The following ACADL variants were observed in gnomAD, a reference collection of about 807,000 sequenced individuals.
The protein encoded by ACADL is acyl-CoA dehydrogenase long chain.
ACADL carries 60 observed loss-of-function variants against 56.9 expected under a neutral mutation model. The observed-to-expected ratio is 1.05, with a 90% CI of 0.86 to 1.31. ACADL has a LOEUF of 1.31. Ranked by LOEUF, ACADL falls within the 50% of genes most tolerant of loss-of-function variation. ACADL has a pLI of 0.00. For synonymous variants in ACADL, 158 were observed against 179.7 expected, an observed-to-expected ratio of 0.88 and a Z score of 0.97; for missense variants, 484 against 525.5, an observed-to-expected ratio of 0.92 and a Z score of 0.77.
At chr2:210,189,136 A>G (rs1373171508) in intron 10 of ACADL, 82 bp from the exon 11 acceptor site, 5 of 935,660 alleles carry the variant, frequency 5.3e-6, no homozygotes, top group Admixed American at 3.5e-5. Context: ...CTCATAAACT[A>G]TTCAATTAGT....
intron 4 of ACADL, among the ~76,000 whole-genome samples, chr2:210,214,501 A>AAGAAAGAAAG (rs1419261943): frequency 8.6e-5 from 13 of 150,730 alleles, no homozygotes; most frequent in African/African-American, 3.0e-4. Context: ...GAAAGAAAGA[A>AAGAAAGAAAG]AGAAAGAAAA....
At chr2:210,196,827 AG>A (rs1688717851) in intron 8 of ACADL, among the ~76,000 whole-genome samples, 1 of 152,182 alleles carries the variant, frequency 6.6e-6, no homozygotes, top group Admixed American at 6.5e-5. Context: ...TTACAGGCAA[AG>A]GTGGTGCAGT....
Position 210,201,105 on chromosome 2 carries a change from C to T in ACADL, c.984+2226G>A, listed in dbSNP as rs556118725. Among the ~76,000 whole-genome samples, 119 of 152,196 alleles carry T rather than the reference C, an allele frequency of 7.8e-4. No homozygotes were observed. The South Asian group carries it at 0.011, about 14-fold the overall frequency. ...AATGCCCACCTGTGCACTGGGAGGA[C>T]GGGGTGGAGCCTCGGGAAGTTCACA... On this transcript the variant is annotated intron_variant, in intron 8 of 10. Transcript: ENST00000233710.
At chr2:210,213,398 G>T (rs1689021435) in intron 4 of ACADL, among the ~76,000 whole-genome samples, 1 of 152,102 alleles carries the variant, frequency 6.6e-6, no homozygotes. Context: ...TACTTGGGAG[G>T]CTGAGGCAGG....
At chr2:210,217,668 T>C (rs2125717380) in intron 3 of ACADL, 1 of 324,174 alleles carries the variant, frequency 3.1e-6, no homozygotes, top group African/African-American at 2.1e-5. Context: ...TGCTGTTCTC[T>C]TTCAAATATC....
intron 4 of ACADL, among the ~76,000 whole-genome samples, chr2:210,213,680 T>A (rs576545575): frequency 6.6e-6 from 1 of 152,202 alleles, no homozygotes; most frequent in Non-Finnish European, 1.5e-5. Context: ...AGTATCATTT[T>A]CTCAATTTCA....
Position 210,205,667 on chromosome 2 carries a change from C to G in ACADL, c.733G>C (p.Gly245Arg). The G allele has an allele frequency of 1.1e-5, 18 of 1,613,818 alleles. No individual in the cohort carries two copies. The highest frequency in any genetic ancestry group is 1.5e-5 in the Non-Finnish European group (18 of 1,179,934). Residue 245 changes from glycine to arginine, a missense_variant, in exon 6 of 11, where the codon GGA (glycine) becomes CGA (arginine). By Grantham distance (125) the Gly-to-Arg change is moderately radical. Transcript: ENST00000233710. ...AATCCCATTTTATGTAGCTTTCGTC[C>G]CTTGATAAATCCTTTCATTCCATTT... ...VENGMKGFIK[G>R]RKLHKMGLKA...
At chr2:210,210,023 C>CA in intron 5 of ACADL, 173 bp downstream of exon 5, 1 of 587,730 alleles carries the variant, frequency 1.7e-6, no homozygotes, top group Non-Finnish European at 3.1e-6. Flanking sequence ...GAAGAAGCTA[C>CA]CACAGATCTT....
At chr2:210,204,500 A>C in intron 7 of ACADL, 81 bp downstream of exon 7, 1 of 1,068,448 alleles carries the variant, frequency 9.4e-7, no homozygotes, top group Non-Finnish European at 1.4e-6. Flanking sequence ...TGAATGCATA[A>C]TATAGAAATA....
chr2:210,189,128 CAT>C, intron 10 of ACADL, 74 bp from the exon 11 acceptor site: 1 of 1,040,132 alleles, frequency 9.6e-7, no homozygotes, highest in South Asian at 1.3e-5. Context: ...CCAGGTAACT[CAT>C]AAACTATTCA....
chr2:210,211,614 T>C (rs1688980714), intron 4 of ACADL, among the ~76,000 whole-genome samples: 1 of 152,130 alleles, frequency 6.6e-6, no homozygotes. Context: ...TCTTCCTCCT[T>C]CTCTGGCCAT....
In ACADL at chr2:210,206,734, C is replaced by T. The variant is rs540649743; in HGVS notation, c.604-938G>A. The stretch of plus-strand genomic sequence containing the variant: ...TCCTGGTTCATCTCAATCATTTTCA[C>T]GGCTTGAGTCACCCTCTACATGCTG... On this transcript the variant is annotated intron_variant, in intron 5 of 10. Transcript: ENST00000233710. 8.4e-4 allele frequency among the ~76,000 whole-genome samples: 128 copies of T among 152,266 alleles called. 1 individual carries two copies. The highest frequency in any genetic ancestry group is 2.7e-3 in the African/African-American group (111 of 41,554).
intron 6 of ACADL, 21 bp from the exon 7 acceptor site, chr2:210,204,703 T>C: frequency 6.6e-7 from 1 of 1,509,316 alleles, no homozygotes; most frequent in East Asian, 2.3e-5. Flanking sequence ...ATACAAAAAA[T>C]GTAGAGAATG....
intron 4 of ACADL, among the ~76,000 whole-genome samples, chr2:210,214,467 A>AAAGAAAGAAAGAAAGAAAGAAAG (rs1689040419): frequency 2.5e-5 from 3 of 122,418 alleles, no homozygotes; most frequent in East Asian, 2.4e-4. Flanking sequence ...GACCTTCCAA[A>AAAGAAAGAAAGAAAGAAAGAAAG]AAAGAAAGAA....
intron 10 of ACADL, among the ~76,000 whole-genome samples, chr2:210,189,508 T>G (rs1688597723): frequency 6.6e-6 from 1 of 152,146 alleles, no homozygotes; most frequent in Non-Finnish European, 1.5e-5. Flanking sequence ...ACAACCACTA[T>G]CACTATCAGG....
At chr2:210,220,129 G>A (rs1166474015) in intron 2 of ACADL, among the ~76,000 whole-genome samples, 2 of 152,084 alleles carry the variant, frequency 1.3e-5, no homozygotes, top group African/African-American at 4.8e-5. Context: ...TTTTCAACTT[G>A]TAACCCCATA....
At chr2:210,194,480 A>G (rs1688678482) in intron 9 of ACADL, among the ~76,000 whole-genome samples, 1 of 152,216 alleles carries the variant, frequency 6.6e-6, no homozygotes, top group African/African-American at 2.4e-5. Flanking sequence ...TTTAGACTGT[A>G]TATTCTAAAA....
intron 8 of ACADL, among the ~76,000 whole-genome samples, chr2:210,200,667 G>T (rs1385723820): frequency 6.6e-6 from 1 of 152,052 alleles, no homozygotes; most frequent in Non-Finnish European, 1.5e-5. Context: ...AACTGTTTTA[G>T]GTTTGTTATG....
Position 210,217,946 on chromosome 2 carries a change from TA to T in ACADL, c.371+18del. On this transcript the variant is annotated intron_variant, in intron 3 of 10. Transcript: ENST00000233710. ...GTGTTTACAAAACAAGACTCAACCTTAAAAGTCTCCATACTTACTGCTCCTC... is the reference window on the plus strand; with the variant it reads ...GTGTTTACAAAACAAGACTCAACCTTAAAGTCTCCATACTTACTGCTCCTC... 6.2e-7 allele frequency: 1 copy of T among 1,613,936 alleles called. No homozygotes were observed. Among genetic ancestry groups the T allele is most frequent in the Non-Finnish European group, 8.5e-7 (1 of 1,179,902 alleles).
Sources: allele counts gnomAD v4.1 joint callset (sites outside exome capture counted in the v4.1 genomes callset), GRCh38; gene constraint gnomAD v4.1.1; transcripts MANE v1.5; gene names NCBI Gene and HGNC (gene_info 2026-07-23, HGNC 2026-07-21).